The following MTUS2 variants were observed in gnomAD, a reference collection of about 807,000 sequenced individuals.
MTUS2 encodes microtubule-associated tumor suppressor candidate 2.
In MTUS2, 40 loss-of-function variants were observed where a neutral mutation model predicts 114.1. That is an observed-to-expected ratio of 0.35 (90% CI 0.27 to 0.46). The LOEUF (loss-of-function observed/expected upper bound fraction) is 0.46, where lower values mean the gene tolerates loss of function less well. MTUS2 is among the 20% of genes least tolerant of loss of function. The probability of loss-of-function intolerance (pLI) is 1.00; values close to 1 mark genes in which losing one functional copy is unlikely to be tolerated. For missense variants in MTUS2, 1,679 were observed against 1,705.4 expected (o/e 0.98, Z 0.27); for synonymous variants, 688 against 672.0 (o/e 1.02, Z -0.37).
intron 10 of MTUS2, among the ~76,000 whole-genome samples, chr13:29,485,869 C>T (rs911210056): frequency 1.5e-5 from 2 of 134,918 alleles, no homozygotes; most frequent in Admixed American, 8.6e-5. Context: ...CGCCAAGGGC[C>T]GATGAAAGGT....
intron 7 of MTUS2, among the ~76,000 whole-genome samples, chr13:29,331,040 T>G (rs1190396214): frequency 1.3e-5 from 2 of 152,238 alleles, no homozygotes; most frequent in African/African-American, 4.8e-5. Context: ...ATGGCCATTT[T>G]CATGATACTG....
intron 2 of MTUS2, among the ~76,000 whole-genome samples, chr13:28,987,587 A>C (rs1015552474): frequency 6.6e-6 from 1 of 152,140 alleles, no homozygotes; most frequent in Non-Finnish European, 1.5e-5. Context: ...GCTGGAAGCA[A>C]CTTTGGGGTG....
chr13:29,099,836 C>T (rs139863509), intron 4 of MTUS2, among the ~76,000 whole-genome samples: 122 of 152,324 alleles, frequency 8.0e-4, no homozygotes, highest in African/African-American at 2.9e-3. Context: ...TTGTGATTCT[C>T]TCTGGTGCTG....
chr13:29,171,270 T>C (rs1490065206), intron 5 of MTUS2, among the ~76,000 whole-genome samples: 1 of 152,190 alleles, frequency 6.6e-6, no homozygotes, highest in Non-Finnish European at 1.5e-5. Flanking sequence ...TCTTCAATGC[T>C]TCATGGTCCT....
intron 2 of MTUS2, among the ~76,000 whole-genome samples, chr13:28,984,556 G>A (rs1408466428): frequency 6.6e-6 from 1 of 152,198 alleles, no homozygotes; most frequent in African/African-American, 2.4e-5. Flanking sequence ...GTGAAGGTCA[G>A]CGTGCCTACG....
chr13:28,864,955 A>G lies in MTUS2; in HGVS notation c.-243+25105A>G, dbSNP rs185201223. ...TTGATGTTTTTTGTTTAGTAGAGAC[A>G]TAGCAGCTCGCTCTTGAAGAATATG... On this transcript the variant is annotated intron_variant, in intron 2 of 15. Coordinates refer to ENST00000612955, the MANE Select transcript of MTUS2 (RefSeq NM_001033602.4). Among the ~76,000 whole-genome samples, 13 of 152,352 alleles carry G rather than the reference A, an allele frequency of 8.5e-5. No individual in the cohort carries two copies. The East Asian group carries it at 2.5e-3, about 29-fold the overall frequency.
intron 6 of MTUS2, among the ~76,000 whole-genome samples, chr13:29,323,309 G>T (rs370644971): frequency 1.9e-4 from 29 of 151,974 alleles, no homozygotes; most frequent in African/African-American, 6.8e-4. Flanking sequence ...GAGTGCAGTG[G>T]CGTGATCTCG....
intron 2 of MTUS2, among the ~76,000 whole-genome samples, chr13:28,864,884 A>C (rs1218764994): frequency 6.6e-6 from 1 of 151,804 alleles, no homozygotes; most frequent in East Asian, 1.9e-4. Flanking sequence ...TTGTTTTTTT[A>C]ATATTTGATT....
At chr13:29,110,152 A>G (rs1407067597) in intron 5 of MTUS2, among the ~76,000 whole-genome samples, 1 of 152,248 alleles carries the variant, frequency 6.6e-6, no homozygotes, top group Non-Finnish European at 1.5e-5. Context: ...CTTCCCTGTA[A>G]ATGAAACATA....
chr13:28,857,772 T>C (rs975873752), intron 2 of MTUS2, among the ~76,000 whole-genome samples: 6 of 152,308 alleles, frequency 3.9e-5, no homozygotes, highest in African/African-American at 1.4e-4. Flanking sequence ...TCAAGTTTGC[T>C]CCAGTGTTCT....
intron 1 of MTUS2, among the ~76,000 whole-genome samples, chr13:28,827,865 G>A (rs778889156): frequency 1.3e-5 from 2 of 152,148 alleles, no homozygotes; most frequent in Non-Finnish European, 2.9e-5. Flanking sequence ...ATATCACATG[G>A]CAAATGGAGG....
Position 28,951,399 on chromosome 13 carries a change from A to G in MTUS2, c.-242-73058A>G, listed in dbSNP as rs145129963. ...CAGCAACATTTTATAGTCTTTCACC[A>G]CTGAGTATGGTGTTTGCTGTGGGCT... is the stretch of plus-strand genomic sequence containing the variant. On this transcript the variant is annotated intron_variant, in intron 2 of 15. Coordinates refer to ENST00000612955, the MANE Select transcript of MTUS2 (RefSeq NM_001033602.4). Among the ~76,000 whole-genome samples the G allele has an allele frequency of 3.9e-3, 587 of 152,298 alleles. 2 individuals are homozygous for G. Among genetic ancestry groups the G allele is most frequent in the Non-Finnish European group, 6.4e-3 (436 of 68,026 alleles).
At chr13:28,848,991 A>G (rs558310731) in intron 2 of MTUS2, among the ~76,000 whole-genome samples, 58 of 152,316 alleles carry the variant, frequency 3.8e-4, no homozygotes, top group African/African-American at 1.3e-3. Flanking sequence ...TGAATAGCCT[A>G]TATTGCTGCA....
intron 2 of MTUS2, among the ~76,000 whole-genome samples, chr13:28,951,649 A>G (rs948870538): frequency 6.6e-6 from 1 of 152,032 alleles, no homozygotes; most frequent in Non-Finnish European, 1.5e-5. Flanking sequence ...AAATACAAAA[A>G]TGTGCTGGGT....
chr13:29,314,799 A>G (rs939240117), intron 6 of MTUS2, among the ~76,000 whole-genome samples: 2 of 152,206 alleles, frequency 1.3e-5, no homozygotes, highest in African/African-American at 4.8e-5. Flanking sequence ...TTTCTACCAT[A>G]TGATCTAGCA....
intron 6 of MTUS2, among the ~76,000 whole-genome samples, chr13:29,299,793 T>C (rs1312538904): frequency 6.6e-6 from 1 of 152,148 alleles, no homozygotes; most frequent in African/African-American, 2.4e-5. Flanking sequence ...TTTGAAAATA[T>C]ATGCTCCCCC....
chr13:29,175,258 T>C (rs912370743), intron 5 of MTUS2, among the ~76,000 whole-genome samples: 14 of 152,210 alleles, frequency 9.2e-5, no homozygotes, highest in Non-Finnish European at 1.6e-4. Flanking sequence ...TATGCCTCTT[T>C]TGTAATGCAA....
rs552958551 is a variant in MTUS2, at chr13:29,214,756, T to C, written c.2645-66948T>C. Among the ~76,000 whole-genome samples the C allele has an allele frequency of 3.3e-5, 5 of 152,324 alleles. 1 individual carries two copies. Among genetic ancestry groups the C allele is most frequent in the African/African-American group, 1.2e-4 (5 of 41,572 alleles). The stretch of plus-strand genomic sequence containing the variant: ...TGTTAGTCTGATGGGCCTTCCTTTG[T>C]AGGTAACCTGACCTTTCTCTCTGAC... On this transcript the variant is annotated intron_variant, in intron 5 of 15. Coordinates refer to ENST00000612955, the MANE Select transcript of MTUS2 (RefSeq NM_001033602.4).
At chr13:29,381,405 A>G (rs761837115) in intron 8 of MTUS2, among the ~76,000 whole-genome samples, 8 of 152,354 alleles carry the variant, frequency 5.3e-5, no homozygotes, top group Non-Finnish European at 1.2e-4. Flanking sequence ...AACCTGTCAA[A>G]ATATAAGAAT....
Sources: allele counts gnomAD v4.1 joint callset (sites outside exome capture counted in the v4.1 genomes callset), GRCh38; gene constraint gnomAD v4.1.1; transcripts MANE v1.5; gene names NCBI Gene and HGNC (gene_info 2026-07-23, HGNC 2026-07-21).